The following SASH1 variants were observed in gnomAD, a reference collection of about 807,000 sequenced individuals.
SASH1 encodes SAM and SH3 domain containing 1.
Under a neutral mutation model 125.2 loss-of-function variants are expected in SASH1, and 44 were observed. The ratio of observed to expected loss-of-function variants is 0.35; its 90% CI spans 0.28 to 0.45. SASH1 has a LOEUF of 0.45. Ranked by LOEUF, SASH1 falls within the 20% of genes least tolerant of loss-of-function variation. The probability of loss-of-function intolerance (pLI) is 1.00; values close to 1 mark genes in which losing one functional copy is unlikely to be tolerated. For missense variants in SASH1, 1,426 were observed against 1,614.5 expected, an observed-to-expected ratio of 0.88 and a Z score of 2.00; for synonymous variants, 639 against 649.1, an observed-to-expected ratio of 0.98 and a Z score of 0.24.
the SASH1 span, among the ~76,000 whole-genome samples, chr6:148,232,805 G>A: frequency 2.0e-5 from 3 of 152,158 alleles, no homozygotes; most frequent in East Asian, 5.8e-4. Context: ...CAGTGCCCAC[G>A]AGAAACTAGC....
Position 148,360,364 on chromosome 6 carries a change from T to C in SASH1, c.156+17141T>C, listed in dbSNP as rs1391778723. On this transcript the variant is annotated intron_variant, in intron 1 of 19. Transcript: ENST00000367467. The stretch of plus-strand genomic sequence containing the variant: ...ATGCCTTTGTTTTTTTTTTTTTTTT[T>C]CGAGACAGAGTCTTGCTCTGTTGCC... Among the ~76,000 whole-genome samples, 64 of 151,444 alleles carry C rather than the reference T, an allele frequency of 4.2e-4. 1 individual carries two copies. The highest frequency in any genetic ancestry group is 1.3e-3 in the African/African-American group (52 of 41,298).
At chr6:148,389,975 G>C (rs757037425) in intron 1 of SASH1, among the ~76,000 whole-genome samples, 159 bp from the exon 2 acceptor site, 6 of 152,188 alleles carry the variant, frequency 3.9e-5, no homozygotes, top group Non-Finnish European at 7.3e-5. Context: ...GCTGTCCTGA[G>C]GGTTAGGAGA....
the SASH1 span, among the ~76,000 whole-genome samples, chr6:148,254,919 A>G: frequency 2.0e-5 from 3 of 152,234 alleles, no homozygotes; most frequent in Non-Finnish European, 4.4e-5. Flanking sequence ...GTTCATAGTA[A>G]CATTATTCAT....
chr6:148,302,639 C>T (rs1485330462), intron 1 of SASH1, among the ~76,000 whole-genome samples: 3 of 140,370 alleles, frequency 2.1e-5, no homozygotes, highest in Non-Finnish European at 4.5e-5. Flanking sequence ...ATATAGGGTA[C>T]ATTAGATGTG....
At chr6:148,487,086 T>TACACACACACACACAC (rs1279414737) in intron 7 of SASH1, among the ~76,000 whole-genome samples, 1 of 94,222 alleles carries the variant, frequency 1.1e-5, no homozygotes, top group African/African-American at 4.5e-5. Context: ...ATATAACACA[T>TACACACACACACACAC]ATATATACAC....
intron 8 of SASH1, among the ~76,000 whole-genome samples, chr6:148,509,713 C>A (rs902798982): frequency 1.3e-5 from 2 of 152,186 alleles, no homozygotes; most frequent in African/African-American, 4.8e-5. Flanking sequence ...TATCTGTTAC[C>A]GACCAGCAGT....
In SASH1 at chr6:148,277,300, T is replaced by C. The variant is rs1779214235; in HGVS notation, n.74+4923T>C. Among the ~76,000 whole-genome samples the C allele has an allele frequency of 2.0e-5, 3 of 152,332 alleles. No individual in the cohort carries two copies. In the South Asian group the frequency reaches 6.2e-4, roughly 32 times the overall value. On this transcript the variant is annotated intron_variant and non_coding_transcript_variant, in intron 1 of 3. Transcript: ENST00000367469. ...CCAGCCTGTTGGACATTCCCACTGA[T>C]ATACTTTCCAAAATACCACGTTAAC...
At chr6:148,460,977 G>A (rs760711424) in intron 4 of SASH1, among the ~76,000 whole-genome samples, 3 of 152,182 alleles carry the variant, frequency 2.0e-5, no homozygotes, top group African/African-American at 7.2e-5. Context: ...TGGGAACAGC[G>A]AGTCTGCTGG....
intron 6 of SASH1, 25 bp downstream of exon 6, chr6:148,471,528 G>A (rs1288122209): frequency 1.4e-6 from 2 of 1,400,234 alleles, no homozygotes; most frequent in Non-Finnish European, 2.0e-6. Context: ...CTGGCGGACA[G>A]TAGGTCCTTT....
intron 1 of SASH1, among the ~76,000 whole-genome samples, chr6:148,289,512 G>C (rs1479849860): frequency 2.6e-5 from 4 of 152,234 alleles, no homozygotes; most frequent in African/African-American, 9.6e-5. Context: ...ATCTCTGGTG[G>C]ATTTGTCTGG....
intron 6 of SASH1, among the ~76,000 whole-genome samples, chr6:148,473,081 C>T (rs1210132028): frequency 6.6e-6 from 1 of 152,148 alleles, no homozygotes; most frequent in African/African-American, 2.4e-5. Context: ...ATGGGACATT[C>T]TCTTCTCTGA....
chr6:148,245,727 G>C, the SASH1 span, among the ~76,000 whole-genome samples: 14 of 152,002 alleles, frequency 9.2e-5, no homozygotes, highest in Non-Finnish European at 2.1e-4. Flanking sequence ...GTGGCTCGTG[G>C]CTGTAATCCC....
In SASH1 at chr6:148,503,675, C is replaced by T. The variant is rs550057140; in HGVS notation, c.730-10649C>T. Reference sequence around the variant, plus strand: ...ATGTGTTATTTCTACTTAGACTGTGCGTGTGCATTTGAGGGAGGATTTGGG... The same window carrying T: ...ATGTGTTATTTCTACTTAGACTGTGTGTGTGCATTTGAGGGAGGATTTGGG... On this transcript the variant is annotated intron_variant, in intron 8 of 19. Coordinates refer to ENST00000367467, the MANE Select transcript of SASH1 (RefSeq NM_015278.5). 1.3e-4 allele frequency among the ~76,000 whole-genome samples: 19 copies of T among 151,140 alleles called. 1 individual carries two copies. The South Asian group carries it at 1.7e-3, about 13-fold the overall frequency.
At chr6:148,195,005 G>C in the SASH1 span, among the ~76,000 whole-genome samples, 3 of 152,318 alleles carry the variant, frequency 2.0e-5, no homozygotes, top group South Asian at 6.2e-4. Context: ...TTTGGAGAAA[G>C]GAGGGTAAAA....
chr6:148,516,791 G>C (rs1007277753), intron 9 of SASH1, among the ~76,000 whole-genome samples: 1 of 152,060 alleles, frequency 6.6e-6, no homozygotes, highest in Non-Finnish European at 1.5e-5. Flanking sequence ...AGAAGGCCCA[G>C]CACGATGTCC....
intron 1 of SASH1, among the ~76,000 whole-genome samples, chr6:148,349,919 C>T (rs1403642916): frequency 1.3e-5 from 2 of 151,086 alleles, no homozygotes; most frequent in East Asian, 1.9e-4. Context: ...GATCTCGACT[C>T]GCTGCAAGCT....
chr6:148,428,835 C>T (rs547837134), intron 2 of SASH1, among the ~76,000 whole-genome samples: 1 of 152,254 alleles, frequency 6.6e-6, no homozygotes, highest in South Asian at 2.1e-4. Context: ...AAATTTCCCC[C>T]TTAGAACCTT....
chr6:148,305,030 C>T (rs1024433702), intron 1 of SASH1, among the ~76,000 whole-genome samples: 3 of 152,172 alleles, frequency 2.0e-5, no homozygotes. Flanking sequence ...GACTCAGTCT[C>T]AAATAAATCA....
intron 17 of SASH1, among the ~76,000 whole-genome samples, chr6:148,542,797 A>C (rs1782302883): frequency 6.6e-6 from 1 of 152,174 alleles, no homozygotes; most frequent in African/African-American, 2.4e-5. Flanking sequence ...ATACAGGTGG[A>C]CAGGGTCAAA....
Sources: gnomAD v4.1 joint callset for allele counts (sites outside exome capture counted in the v4.1 genomes callset) on GRCh38, gnomAD v4.1.1 for gene constraint, MANE v1.5 for transcripts, NCBI Gene and HGNC (gene_info 2026-07-23, HGNC 2026-07-21) for gene names.